SUGCT: variants seen among roughly 807,000 people sequenced by gnomAD.
SUGCT encodes succinyl-CoA:glutarate CoA-transferase.
In SUGCT, 41 loss-of-function variants were observed where a neutral mutation model predicts 55.0. That is an observed-to-expected ratio of 0.74 (90% CI 0.58 to 0.97). The LOEUF is 0.97. Ranked by LOEUF, SUGCT falls within the 50% of genes least tolerant of loss-of-function variation. SUGCT has a pLI of 0.00. For synonymous variants in SUGCT, 187 were observed against 200.4 expected (o/e 0.93, Z 0.56); for missense variants, 568 against 547.8 (o/e 1.04, Z -0.37).
At chr7:40,201,140 GA>G (rs1378206496) in intron 6 of SUGCT, among the ~76,000 whole-genome samples, 2 of 151,852 alleles carry the variant, frequency 1.3e-5, no homozygotes, top group African/African-American at 4.8e-5. Context: ...TTGAAGGTGA[GA>G]AAAGACATTA....
the SUGCT span, among the ~76,000 whole-genome samples, chr7:41,027,267 G>C: frequency 6.6e-6 from 1 of 152,118 alleles, no homozygotes; most frequent in Non-Finnish European, 1.5e-5. Flanking sequence ...TTCAGGGCAA[G>C]AGTCCCAAGG....
chr7:40,926,661 C>T, the SUGCT span, among the ~76,000 whole-genome samples: 1 of 152,084 alleles, frequency 6.6e-6, no homozygotes, highest in East Asian at 1.9e-4. Flanking sequence ...GAAAACTTTC[C>T]AGTTTTGTCT....
chr7:40,970,389 C>G, the SUGCT span, among the ~76,000 whole-genome samples: 1 of 152,154 alleles, frequency 6.6e-6, no homozygotes, highest in Non-Finnish European at 1.5e-5. Context: ...CCAGGCTGGT[C>G]TTGAACTTCT....
chr7:40,339,429 T>G (rs1172946369), intron 9 of SUGCT, among the ~76,000 whole-genome samples: 2 of 152,154 alleles, frequency 1.3e-5, no homozygotes, highest in Non-Finnish European at 2.9e-5. Context: ...GTTTACCTAC[T>G]CAAGCCTCAG....
intron 1 of SUGCT, among the ~76,000 whole-genome samples, chr7:40,139,371 A>G (rs931544140): frequency 4.6e-5 from 7 of 151,916 alleles, no homozygotes; most frequent in Admixed American, 3.3e-4. Context: ...TAATTTTTGT[A>G]TTTTTAGCAG....
chr7:40,892,660 A>T, the SUGCT span, among the ~76,000 whole-genome samples: 1 of 152,086 alleles, frequency 6.6e-6, no homozygotes, highest in African/African-American at 2.4e-5. Flanking sequence ...CAGCCTCTCA[A>T]GTAGCTAAGA....
At chr7:40,158,394 A>G (rs1295643202) in intron 1 of SUGCT, among the ~76,000 whole-genome samples, 1 of 152,246 alleles carries the variant, frequency 6.6e-6, no homozygotes, top group African/African-American at 2.4e-5. Context: ...GATTATTTCT[A>G]TATGAAGAGA....
At chr7:40,373,257 C>G (rs1486420892) in intron 9 of SUGCT, among the ~76,000 whole-genome samples, 2 of 7,178 alleles carry the variant, frequency 2.8e-4, no homozygotes, top group Non-Finnish European at 4.4e-4. Context: ...CTGGGTTTTC[C>G]ACTTAGCTAT....
At chr7:40,572,890 A>G (rs771953781) in intron 12 of SUGCT, among the ~76,000 whole-genome samples, 70 of 152,252 alleles carry the variant, frequency 4.6e-4, no homozygotes, top group Middle Eastern at 6.8e-3. Context: ...GTGAAAGAAG[A>G]GAAGACAGGA....
At chr7:40,736,903 A>T (rs1322862556) in intron 12 of SUGCT, among the ~76,000 whole-genome samples, 1 of 152,210 alleles carries the variant, frequency 6.6e-6, no homozygotes. Context: ...TATAGCCACT[A>T]AAGGAAAGCC....
At chr7:40,910,404 TATC>T in the SUGCT span, among the ~76,000 whole-genome samples, 3 of 152,144 alleles carry the variant, frequency 2.0e-5, no homozygotes, top group Non-Finnish European at 4.4e-5. Flanking sequence ...ATAGTTAACT[TATC>T]ATGTGCTGGG....
intron 1 of SUGCT, among the ~76,000 whole-genome samples, chr7:40,137,674 A>C (rs585912): frequency 0.09 from 13,717 of 151,982 alleles, 812 homozygotes; most frequent in Non-Finnish European, 0.13. Flanking sequence ...TACTCTCTCT[A>C]TATATTTTTT....
chr7:40,967,430 A>G, the SUGCT span: 8 of 152,210 alleles, frequency 5.3e-5, no homozygotes, highest in African/African-American at 9.6e-5. Context: ...AGTGCGTTTC[A>G]TAGGAAACTG....
intron 6 of SUGCT, among the ~76,000 whole-genome samples, chr7:40,208,895 T>C (rs1020193262): frequency 6.6e-6 from 1 of 152,232 alleles, no homozygotes; most frequent in Non-Finnish European, 1.5e-5. Context: ...ATTTTGTTTT[T>C]CTTTTCAATC....
intron 7 of SUGCT, among the ~76,000 whole-genome samples, chr7:40,260,573 A>G (rs953121694): frequency 2.0e-5 from 3 of 152,196 alleles, no homozygotes; most frequent in Non-Finnish European, 2.9e-5. Flanking sequence ...TGGGTTGTGA[A>G]TATTTGGAAA....
chr7:40,288,089 C>T (rs1037460598), intron 8 of SUGCT, among the ~76,000 whole-genome samples: 1 of 152,030 alleles, frequency 6.6e-6, no homozygotes, highest in African/African-American at 2.4e-5. Context: ...TAGTATGTTG[C>T]TGAGGATTCT....
intron 8 of SUGCT, among the ~76,000 whole-genome samples, chr7:40,291,206 G>A (rs1004212510): frequency 2.0e-5 from 3 of 152,048 alleles, no homozygotes; most frequent in Non-Finnish European, 1.5e-5. Flanking sequence ...ACATGCACAC[G>A]TGTGTTTATT....
rs1327051191 is a variant in SUGCT, at chr7:40,365,664, T to C, written c.816+48809T>C. On this transcript the variant is annotated intron_variant, in intron 9 of 13. Coordinates refer to ENST00000335693, the MANE Select transcript of SUGCT (RefSeq NM_001193313.2). ...ATCATGAGTGAACTCCCATTCACAA[T>C]TGCTTCAAAGAGAATAAAATACCTA... 1.2e-4 allele frequency among the ~76,000 whole-genome samples: 18 copies of C among 151,768 alleles called. No homozygotes were observed. In the South Asian group the frequency reaches 2.1e-3, roughly 18 times the overall value.
Position 40,758,520 on chromosome 7 carries a change from A to G in SUGCT, c.1153+9023A>G, listed in dbSNP as rs1362651342. Among the ~76,000 whole-genome samples, 14 of 152,264 alleles carry G rather than the reference A, an allele frequency of 9.2e-5. No individual in the cohort carries two copies. The South Asian group carries it at 1.9e-3, about 20-fold the overall frequency. Reference sequence around the variant, plus strand: ...ACCTTCAGATACCTTACTATAATCAATAGGAAATGTATCATATCCCATTTT... The same window carrying G: ...ACCTTCAGATACCTTACTATAATCAGTAGGAAATGTATCATATCCCATTTT... On this transcript the variant is annotated intron_variant, in intron 13 of 13. Coordinates refer to ENST00000335693, the MANE Select transcript of SUGCT (RefSeq NM_001193313.2).
Sources: gnomAD v4.1 joint callset for allele counts (sites outside exome capture counted in the v4.1 genomes callset) on GRCh38, gnomAD v4.1.1 for gene constraint, MANE v1.5 for transcripts, NCBI Gene and HGNC (gene_info 2026-07-23, HGNC 2026-07-21) for gene names.